Variants in SLC25A48 observed in about 807,000 individuals in gnomAD.
SLC25A48 encodes CTC-321K16.1.
SLC25A48 carries 29 observed loss-of-function variants against 32.2 expected under a neutral mutation model. The observed-to-expected ratio is 0.90, with a 90% CI of 0.67 to 1.23. The LOEUF (loss-of-function observed/expected upper bound fraction) is 1.23. Ranked by LOEUF, SLC25A48 falls within the 50% of genes most tolerant of loss-of-function variation. The pLI, the probability that SLC25A48 is intolerant of heterozygous loss-of-function variation, is 0.00. For synonymous variants in SLC25A48, 164 were observed against 172.3 expected (o/e 0.95, Z 0.38); for missense variants, 399 against 422.7 (o/e 0.94, Z 0.49).
At chr5:135,794,088 T>C (rs374847271) in intron 3 of SLC25A48, among the ~76,000 whole-genome samples, 15 of 151,994 alleles carry the variant, frequency 9.9e-5, no homozygotes, top group African/African-American at 3.4e-4. Flanking sequence ...TCCAAATATC[T>C]AGGGAAAGAG....
intron 1 of SLC25A48, chr5:135,609,293 T>C (rs1238193749): frequency 6.6e-6 from 1 of 152,228 alleles, no homozygotes; most frequent in African/African-American, 2.4e-5. Flanking sequence ...TGAGCACCTG[T>C]CATGTGGCAG....
intron 3 of SLC25A48, among the ~76,000 whole-genome samples, chr5:135,811,446 G>A (rs1273884206): frequency 6.6e-6 from 1 of 152,008 alleles, no homozygotes; most frequent in African/African-American, 2.4e-5. Context: ...TTGGTCGAAG[G>A]GTACAAAATT....
chr5:135,708,519 A>G (rs1394330831), intron 3 of SLC25A48, among the ~76,000 whole-genome samples: 4 of 152,228 alleles, frequency 2.6e-5, no homozygotes, highest in East Asian at 1.9e-4. Flanking sequence ...TGAGATTTGC[A>G]TGGTCACTGT....
intron 3 of SLC25A48, among the ~76,000 whole-genome samples, chr5:135,797,306 G>T (rs1757210338): frequency 6.6e-6 from 1 of 151,780 alleles, no homozygotes; most frequent in Non-Finnish European, 1.5e-5. Flanking sequence ...CTGTTATATT[G>T]TTTCTAATAT....
intron 3 of SLC25A48, among the ~76,000 whole-genome samples, chr5:135,672,922 G>T (rs1483688226): frequency 2.0e-5 from 3 of 151,950 alleles, no homozygotes; most frequent in Non-Finnish European, 4.4e-5. Context: ...CAGTGATTTG[G>T]TTTCTGTCAA....
intron 4 of SLC25A48, among the ~76,000 whole-genome samples, chr5:135,860,480 CA>C (rs1339931691): frequency 6.6e-6 from 1 of 152,214 alleles, no homozygotes; most frequent in Non-Finnish European, 1.5e-5. Context: ...GGAGTGGTCA[CA>C]ACCCCACTTT....
At chr5:135,770,761 T>C (rs1444512916) in intron 3 of SLC25A48, among the ~76,000 whole-genome samples, 1 of 151,164 alleles carries the variant, frequency 6.6e-6, no homozygotes, top group Non-Finnish European at 1.5e-5. Flanking sequence ...CTAATATCCA[T>C]AATGTGAGAG....
At chr5:135,672,437 C>G (rs919426314) in intron 3 of SLC25A48, among the ~76,000 whole-genome samples, 1 of 152,152 alleles carries the variant, frequency 6.6e-6, no homozygotes, top group African/African-American at 2.4e-5. Flanking sequence ...CATCACCAGA[C>G]AGGTTAAATG....
intron 4 of SLC25A48, among the ~76,000 whole-genome samples, chr5:135,820,071 A>G (rs1442891312): frequency 1.6e-5 from 2 of 125,818 alleles, no homozygotes; most frequent in South Asian, 2.6e-4. Flanking sequence ...CTCAAATCCT[A>G]GCTATTTACC....
At chr5:135,879,838 C>G (rs1762330253) in intron 6 of SLC25A48, 130 bp from the exon 7 acceptor site, 2 of 1,320,458 alleles carry the variant, frequency 1.5e-6, no homozygotes, top group South Asian at 1.5e-5. Flanking sequence ...TCTGCCTGCA[C>G]AGGTCCTTTG....
intron 3 of SLC25A48, among the ~76,000 whole-genome samples, chr5:135,773,292 C>A (rs1342424323): frequency 6.6e-6 from 1 of 151,640 alleles, no homozygotes; most frequent in Non-Finnish European, 1.5e-5. Context: ...TTACTATCAT[C>A]TTCTTTTCCT....
At chr5:135,789,850 G>C (rs1451490286) in intron 3 of SLC25A48, among the ~76,000 whole-genome samples, 1 of 151,928 alleles carries the variant, frequency 6.6e-6, no homozygotes, top group African/African-American at 2.4e-5. Context: ...CAGTTTCCTA[G>C]AATATTTGGA....
chr5:135,614,741 A>C (rs1375795383), intron 1 of SLC25A48, among the ~76,000 whole-genome samples: 1 of 152,124 alleles, frequency 6.6e-6, no homozygotes, highest in Non-Finnish European at 1.5e-5. Context: ...ATCCCACTTG[A>C]TCACGGTTGA....
At chr5:135,681,832 G>A (rs570864564) in intron 3 of SLC25A48, among the ~76,000 whole-genome samples, 71 of 152,238 alleles carry the variant, frequency 4.7e-4, no homozygotes, top group Admixed American at 3.9e-3. Context: ...CCCTCTGAAT[G>A]TGCTATCTGA....
At chr5:135,802,585 A>T (rs561000102) in intron 3 of SLC25A48, among the ~76,000 whole-genome samples, 4 of 151,584 alleles carry the variant, frequency 2.6e-5, no homozygotes, top group Admixed American at 2.6e-4. Context: ...ATTATTCACA[A>T]TATCCTAGGG....
At chr5:135,866,263 C>T (rs1392355346) in intron 4 of SLC25A48, among the ~76,000 whole-genome samples, 1 of 152,236 alleles carries the variant, frequency 6.6e-6, no homozygotes, top group African/African-American at 2.4e-5. Context: ...AGTGGCCAGG[C>T]CTTTGTGCTC....
chr5:135,742,528 C>G (rs1481790712), intron 3 of SLC25A48: 2 of 1,505,308 alleles, frequency 1.3e-6, no homozygotes, highest in South Asian at 2.3e-5. Context: ...CACTGCCTTT[C>G]CCAAACAATA....
chr5:135,767,753 T>C (rs1019336175), intron 3 of SLC25A48, among the ~76,000 whole-genome samples: 1 of 151,598 alleles, frequency 6.6e-6, no homozygotes, highest in African/African-American at 2.4e-5. Flanking sequence ...ATGATATTAC[T>C]TCTAATATCG....
At chr5:135,656,799 G>A (rs2126930951) in intron 3 of SLC25A48, among the ~76,000 whole-genome samples, 1 of 152,256 alleles carries the variant, frequency 6.6e-6, no homozygotes, top group South Asian at 2.1e-4. Flanking sequence ...AGGAACGCCT[G>A]GGACTGCCAC....
Sources: allele counts gnomAD v4.1 joint callset (sites outside exome capture counted in the v4.1 genomes callset), GRCh38; gene constraint gnomAD v4.1.1; transcripts MANE v1.5; gene names NCBI Gene and HGNC (gene_info 2026-07-23, HGNC 2026-07-21).